Variants in G6PD observed in about 807,000 individuals in gnomAD.
The protein encoded by G6PD is glucose-6-phosphate 1-dehydrogenase.
G6PD carries 2 observed loss-of-function variants against 38.2 expected under a neutral mutation model. The ratio of observed to expected loss-of-function variants is 0.05; its 90% CI spans 0.02 to 0.16. The LOEUF (loss-of-function observed/expected upper bound fraction) is 0.16, where lower values mean the gene tolerates loss of function less well. Ranked by LOEUF, G6PD falls within the 10% of genes least tolerant of loss-of-function variation. G6PD has a pLI of 1.00. For synonymous variants in G6PD, 188 were observed against 196.0 expected, an observed-to-expected ratio of 0.96 and a Z score of 0.34; for missense variants, 310 against 471.6, an observed-to-expected ratio of 0.66 and a Z score of 3.17.
intron 2 of G6PD, chrX:154,542,311 G>A (rs1557232107): frequency 8.5e-7 from 1 of 1,177,505 alleles, no homozygotes; most frequent in Admixed American, 2.5e-5. Flanking sequence ...GAGAAGTGAG[G>A]ACCCCGCAGA....
intron 2 of G6PD, chrX:154,542,323 T>C (rs1284603895): frequency 9.3e-6 from 11 of 1,188,423 alleles, no homozygotes; most frequent in Non-Finnish European, 1.2e-5. Flanking sequence ...CCCCGCAGAC[T>C]ATCAATCCCA....
In G6PD at chrX:154,532,654, C is replaced by T. The variant is rs2070352994; in HGVS notation, c.1200G>A (p.Val400=). The part of the protein sequence containing the change: ...LVIRVQPNEA[V]YTKMMTKKPG... The stretch of plus-strand genomic sequence containing the variant: ...GCTTCTTGGTCATCATCTTGGTGTA[C>T]ACGGCCTCGTTGGGCTGCACGCGGA... The change falls in exon 10 of 13, where the codon GTG becomes GTA. Residue 400 remains valine (V), a synonymous_variant. Transcript: ENST00000393562. The T allele has an allele frequency of 8.3e-7, 1 of 1,211,322 alleles. No homozygotes were observed. Among genetic ancestry groups the T allele is most frequent in the African/African-American group, 1.7e-5 (1 of 57,596 alleles).
chrX:154,543,136 A>T (rs2472394), intron 2 of G6PD, among the ~76,000 whole-genome samples: 4 of 110,742 alleles, frequency 3.6e-5, no homozygotes. Context: ...CATCTCCCCC[A>T]CAGCAGGAAG....
chrX:154,541,535 G>A (rs1266083008), intron 2 of G6PD: 1 of 112,311 alleles, frequency 8.9e-6, no homozygotes, highest in Admixed American at 9.5e-5. Flanking sequence ...ATGCTCTAGT[G>A]GGACTTTCTG....
Position 154,532,644 on chromosome X carries a change from T to C in G6PD, c.1210A>G (p.Met404Val). 4.9e-6 allele frequency: 6 copies of C among 1,212,357 alleles called. No individual in the cohort carries two copies. The highest frequency in any genetic ancestry group is 6.7e-6 in the Non-Finnish European group (6 of 895,619). The change falls in exon 10 of 13, where the codon ATG becomes GTG. Residue 404 changes from methionine to valine, a missense_variant. Physicochemically the swap from Met to Val is conservative, Grantham distance 21. This residue lies in a region of G6PD where 168 missense variants were observed against 309.2 expected (regional missense o/e 0.54). Transcript: ENST00000393562. Reference protein sequence around the residue: ...VQPNEAVYTKMMTKKPGMFFN... With the variant: ...VQPNEAVYTKVMTKKPGMFFN... ...AACATGCCCGGCTTCTTGGTCATCATCTTGGTGTACACGGCCTCGTTGGGC... is the reference window on the plus strand; with the variant it reads ...AACATGCCCGGCTTCTTGGTCATCACCTTGGTGTACACGGCCTCGTTGGGC...
At chrX:154,536,922 G>A (rs1557230905) in intron 2 of G6PD, among the ~76,000 whole-genome samples, 2 of 112,668 alleles carry the variant, frequency 1.8e-5, no homozygotes, top group Non-Finnish European at 3.8e-5. Flanking sequence ...AAAATTAAAA[G>A]CTAACCCAAA....
At chrX:154,544,904 G>A (rs908891482) in intron 2 of G6PD, among the ~76,000 whole-genome samples, 37 of 112,619 alleles carry the variant, frequency 3.3e-4, no homozygotes, top group African/African-American at 1.2e-3. Context: ...AGGGGCGCAC[G>A]ATGTGGAAGA....
At chrX:154,535,614 C>T in intron 4 of G6PD, 1 of 455,405 alleles carries the variant, frequency 2.2e-6, no homozygotes, top group Non-Finnish European at 3.8e-6. Flanking sequence ...CAGGCTGGGA[C>T]CCCTGTGCCT....
At chrX:154,546,732 G>T (rs2148352357) in intron 1 of G6PD, 57 bp downstream of exon 1, 1 of 959,124 alleles carries the variant, frequency 1.0e-6, no homozygotes, top group Non-Finnish European at 1.4e-6. Context: ...ACCGCCGCGC[G>T]GCGCAGCGCG....
At chrX:154,537,429 C>A (rs1557231030) in intron 2 of G6PD, among the ~76,000 whole-genome samples, 1 of 112,075 alleles carries the variant, frequency 8.9e-6, no homozygotes, top group African/African-American at 3.2e-5. Context: ...ACCAGCCTGA[C>A]CAACATGGAG....
At chrX:154,544,533 G>A (rs61309512) in intron 2 of G6PD, among the ~76,000 whole-genome samples, 1,997 of 112,319 alleles carry the variant, frequency 0.018, 42 homozygotes, top group African/African-American at 0.062. Flanking sequence ...GACCTCAGGC[G>A]ATCCACCTGC....
intron 2 of G6PD, among the ~76,000 whole-genome samples, chrX:154,541,879 C>T (rs782600919): frequency 7.5e-4 from 84 of 112,192 alleles, no homozygotes; most frequent in African/African-American, 2.7e-3. Context: ...TGGTAGAGCA[C>T]GATGCCTGCT....
Position 154,531,625 on chromosome X carries a change from C to T in G6PD, c.*375G>A, listed in dbSNP as rs1455416723. ...AGGCAGATTCTCTCACGTGGGTGCT[C>T]GCCCCTTTCCTCCCCCTCGTCCCTC... On this transcript the variant is annotated 3_prime_UTR_variant, in exon 13 of 13. Coordinates refer to ENST00000393562, the MANE Select transcript of G6PD (RefSeq NM_001360016.2). 4 of 272,532 alleles carry T rather than the reference C, an allele frequency of 1.5e-5. No homozygotes were observed. The highest frequency in any genetic ancestry group is 7.3e-5 in the East Asian group (1 of 13,786). 22.5% of individuals were successfully genotyped at this position (272,532 alleles called of 1,213,427 possible).
rs782422580 is a variant in G6PD at position 154,532,055 on chromosome X, C to G, written c.1493G>C (p.Arg498Thr). The G allele has an allele frequency of 4.2e-5, 51 of 1,208,883 alleles. No individual in the cohort carries two copies. The highest frequency in any genetic ancestry group is 5.4e-5 in the Non-Finnish European group (48 of 894,867). Residue 498 changes from arginine to threonine, a missense_variant, in exon 13 of 13, where the codon AGA becomes ACA. Transcript: ENST00000393562. ...GPTEADELMK[R>T]VGFQYEGTYK... ...GGTGCCCTCATACTGGAAACCCACT[C>G]TCTTCATCAGCTCGTCTGCCTCCGT...
chrX:154,538,019 T>C (rs1557231138), intron 2 of G6PD, among the ~76,000 whole-genome samples: 1 of 101,110 alleles, frequency 9.9e-6, no homozygotes, highest in African/African-American at 3.7e-5. Context: ...TTTAAAGACA[T>C]GGTCTCACTC....
At chrX:154,540,566 A>G (rs1049673123) in intron 2 of G6PD, among the ~76,000 whole-genome samples, 14 of 105,108 alleles carry the variant, frequency 1.3e-4, no homozygotes, top group African/African-American at 4.8e-4. Context: ...TGAATCCAGG[A>G]GACGGAGGTT....
rs1384500009 is a variant in G6PD at position 154,536,609 on chromosome X, C to A, written c.121-431G>T. On this transcript the variant is annotated intron_variant, in intron 2 of 12. Transcript: ENST00000393562. ...CAGCACTTTGGGAGGCTGAGGCAGG[C>A]AGATCACCTGAAGTCAGGAGTTCAA... Among the ~76,000 whole-genome samples, 3 of 111,839 alleles carry A rather than the reference C, an allele frequency of 2.7e-5. No homozygotes were observed. The East Asian group carries it at 8.4e-4, about 31-fold the overall frequency.
At chrX:154,543,884 T>C (rs2070603362) in intron 2 of G6PD, among the ~76,000 whole-genome samples, 2 of 106,909 alleles carry the variant, frequency 1.9e-5, no homozygotes, top group Admixed American at 2.0e-4. Context: ...TTTTTTTTTT[T>C]TGAGATGGAG....
Position 154,532,822 on chromosome X carries a change from G to C in G6PD, c.1052-20C>G. 8.3e-7 allele frequency: 1 copy of C among 1,206,052 alleles called. No individual in the cohort carries two copies. Reference sequence around the variant, plus strand: ...GCACCCCTACGTGGCGGAAAGGGCAGCCTCAGCACCAGCTCTCTCAGGGTG... The same window carrying C: ...GCACCCCTACGTGGCGGAAAGGGCACCCTCAGCACCAGCTCTCTCAGGGTG... On this transcript the variant is annotated intron_variant, in intron 9 of 12. Coordinates refer to ENST00000393562, the MANE Select transcript of G6PD (RefSeq NM_001360016.2).
Sources: allele counts gnomAD v4.1 joint callset (sites outside exome capture counted in the v4.1 genomes callset), GRCh38; gene constraint gnomAD v4.1.1; regional missense constraint gnomAD v4.1.1; transcripts MANE v1.5; gene names NCBI Gene and HGNC (gene_info 2026-07-23, HGNC 2026-07-21).